The following DTNA variants were observed in gnomAD, a reference collection of about 807,000 sequenced individuals.
The protein encoded by DTNA is dystrophin-related protein 3.
A neutral mutation model predicts 100.7 loss-of-function variants in DTNA; 43 were observed. That is an observed-to-expected ratio of 0.43 (90% CI 0.33 to 0.55). The LOEUF is 0.55. Among genes scored for constraint, DTNA ranks in the 20% least tolerant of loss-of-function variants. The probability of loss-of-function intolerance (pLI) is 0.04; values close to 1 mark genes in which losing one functional copy is unlikely to be tolerated. For synonymous variants in DTNA, 349 were observed against 347.9 expected, an observed-to-expected ratio of 1.00 and a Z score of -0.04; for missense variants, 798 against 953.9, an observed-to-expected ratio of 0.84 and a Z score of 2.15.
chr18:34,517,120 G>A (rs1269785529), intron 1 of DTNA, among the ~76,000 whole-genome samples: 2 of 151,968 alleles, frequency 1.3e-5, no homozygotes, highest in Admixed American at 6.6e-5. Flanking sequence ...CCCTCTGTTC[G>A]GGGTCCCTGA....
chr18:34,710,733 A>C (rs1183310816), intron 1 of DTNA, among the ~76,000 whole-genome samples: 1 of 152,032 alleles, frequency 6.6e-6, no homozygotes, highest in Non-Finnish European at 1.5e-5. Flanking sequence ...AAAGGAAGTA[A>C]TAAGAATGCA....
intron 1 of DTNA, among the ~76,000 whole-genome samples, chr18:34,754,313 T>G (rs1309826260): frequency 1.3e-5 from 2 of 152,248 alleles, no homozygotes; most frequent in East Asian, 3.8e-4. Flanking sequence ...GTAGTTTTGT[T>G]AAATTTATCC....
At chr18:34,684,837 G>A (rs112148751) in intron 1 of DTNA, among the ~76,000 whole-genome samples, 4,482 of 152,068 alleles carry the variant, frequency 0.029, 101 homozygotes, top group Admixed American at 0.055. Context: ...AATGATCGCC[G>A]TTCTAACTGG....
At chr18:34,499,195 T>A (rs1220607553) in intron 1 of DTNA, among the ~76,000 whole-genome samples, 4 of 152,234 alleles carry the variant, frequency 2.6e-5, no homozygotes, top group African/African-American at 9.6e-5. Flanking sequence ...ATTTCTATAA[T>A]TTTGTCATTG....
At position 34,851,446 on chromosome 18, in the gene DTNA, C is replaced by G. The variant is rs112731918; in HGVS notation, c.1435-385C>G. On this transcript the variant is annotated intron_variant, in intron 14 of 22. Transcript: ENST00000444659. ...GTACATTACAGTAATTGAACGGTAACTCTAGAGAAAGCACCCTCTCAACAG... is the reference window on the plus strand; with the variant it reads ...GTACATTACAGTAATTGAACGGTAAGTCTAGAGAAAGCACCCTCTCAACAG... Among the ~76,000 whole-genome samples the G allele has an allele frequency of 1.9e-3, 294 of 152,278 alleles. 3 individuals are homozygous for G. Among genetic ancestry groups the G allele is most frequent in the African/African-American group, 6.7e-3 (280 of 41,566 alleles).
intron 1 of DTNA, among the ~76,000 whole-genome samples, chr18:34,613,744 G>T (rs1409860152): frequency 6.6e-6 from 1 of 152,206 alleles, no homozygotes; most frequent in South Asian, 2.1e-4. Flanking sequence ...GCTAGGAGAG[G>T]TTGGTTCATG....
Position 34,605,337 on chromosome 18 carries a change from A to G in DTNA, c.-2+111823A>G, listed in dbSNP as rs192661731. Among the ~76,000 whole-genome samples, 28 of 152,310 alleles carry G rather than the reference A, an allele frequency of 1.8e-4. No homozygotes were observed. In the East Asian group the frequency reaches 5.0e-3, roughly 27 times the overall value. ...CAAATGTATGGACCCACATGTCCAA[A>G]TGTGTGTTTGAGCTTTTTAAACAAG... On this transcript the variant is annotated intron_variant, in intron 1 of 19. Coordinates refer to the DTNA transcript ENST00000283365.
chr18:34,862,140 A>AG lies in DTNA; in HGVS notation c.1647-1826_1647-1825insG, dbSNP rs1555881849. 3.5e-3 allele frequency among the ~76,000 whole-genome samples: 519 copies of AG among 146,976 alleles called. 5 individuals carry two copies. Among genetic ancestry groups the AG allele is most frequent in the African/African-American group, 0.013 (493 of 39,134 alleles). ...AGACAAGGTCAAAAAAAAAAAAAAA[A>AG]AAAGAGAAAGAGAAAGAACACCTCC... On this transcript the variant is annotated intron_variant, in intron 16 of 22. Coordinates refer to ENST00000444659, the MANE Select transcript of DTNA (RefSeq NM_001386795.1).
intron 1 of DTNA, among the ~76,000 whole-genome samples, chr18:34,647,003 C>T (rs939630256): frequency 7.9e-5 from 10 of 126,312 alleles, no homozygotes; most frequent in Admixed American, 1.5e-4. Context: ...TGTGAGCCAC[C>T]GCGCCTGGCC....
intron 1 of DTNA, among the ~76,000 whole-genome samples, chr18:34,621,149 CAAATATATATTACAAAT>C (rs2056422137): frequency 1.3e-5 from 2 of 148,300 alleles, no homozygotes; most frequent in East Asian, 2.0e-4. Flanking sequence ...TCATATATTA[CAAATATATATTACAAAT>C]AAATATATAT....
intron 13 of DTNA, among the ~76,000 whole-genome samples, chr18:34,847,114 T>C (rs1941754): frequency 0.027 from 4,070 of 152,286 alleles, 83 homozygotes; most frequent in Admixed American, 0.049. Context: ...TATTGGTATG[T>C]TTCATAGAAT....
intron 1 of DTNA, among the ~76,000 whole-genome samples, chr18:34,552,094 C>G (rs1320322126): frequency 6.6e-6 from 1 of 151,980 alleles, no homozygotes; most frequent in Non-Finnish European, 1.5e-5. Flanking sequence ...TCCCAAGCCA[C>G]CTTATCTCAT....
At chr18:34,821,168 G>C (rs2095707189) in intron 9 of DTNA, 1 of 619,072 alleles carries the variant, frequency 1.6e-6, no homozygotes, top group African/African-American at 1.8e-5. Flanking sequence ...AGAAAGCTTA[G>C]TTATAAAATA....
intron 5 of DTNA, among the ~76,000 whole-genome samples, chr18:34,807,973 A>T (rs1363820008): frequency 6.6e-6 from 1 of 151,716 alleles, no homozygotes; most frequent in East Asian, 1.9e-4. Flanking sequence ...CTAAGGAAGG[A>T]AGTTCTGAGA....
At chr18:34,637,642 G>A (rs932413945) in intron 1 of DTNA, among the ~76,000 whole-genome samples, 14 of 152,178 alleles carry the variant, frequency 9.2e-5, no homozygotes, top group Non-Finnish European at 1.6e-4. Flanking sequence ...GAGCGTTAGA[G>A]TGCAGGACCT....
intron 3 of DTNA, among the ~76,000 whole-genome samples, chr18:34,793,816 T>C (rs2094852875): frequency 6.6e-6 from 1 of 152,242 alleles, no homozygotes; most frequent in African/African-American, 2.4e-5. Flanking sequence ...TGGAAATAAC[T>C]ATCTATTGTG....
chr18:34,550,323 C>G (rs2045270523), intron 1 of DTNA, among the ~76,000 whole-genome samples: 1 of 152,094 alleles, frequency 6.6e-6, no homozygotes, highest in South Asian at 2.1e-4. Context: ...CCTGAGTCCA[C>G]TAGAAGGTGC....
intron 1 of DTNA, among the ~76,000 whole-genome samples, chr18:34,579,326 G>C (rs2048400284): frequency 6.6e-6 from 1 of 152,122 alleles, no homozygotes; most frequent in Non-Finnish European, 1.5e-5. Flanking sequence ...TATGTAGGTA[G>C]GTAGACAGAT....
At chr18:34,681,695 A>AACACACACAC (rs71813996) in intron 1 of DTNA, among the ~76,000 whole-genome samples, 7 of 142,996 alleles carry the variant, frequency 4.9e-5, no homozygotes, top group African/African-American at 1.5e-4. Flanking sequence ...CCCTATACAC[A>AACACACACAC]ACACACACAC....
Sources: gnomAD v4.1 joint callset for allele counts (sites outside exome capture counted in the v4.1 genomes callset) on GRCh38, gnomAD v4.1.1 for gene constraint, MANE v1.5 for transcripts, NCBI Gene and HGNC (gene_info 2026-07-23, HGNC 2026-07-21) for gene names.